GRID1: variants seen among roughly 807,000 people sequenced by gnomAD.
GRID1 encodes glutamate ionotropic receptor delta type subunit 1, also known as glutamate receptor ionotropic, delta-1.
GRID1 carries 28 observed loss-of-function variants against 98.0 expected under a neutral mutation model. The ratio of observed to expected loss-of-function variants is 0.29; its 90% CI spans 0.21 to 0.39. The LOEUF (loss-of-function observed/expected upper bound fraction) is 0.39, where lower values mean the gene tolerates loss of function less well. Ranked by LOEUF, GRID1 falls within the 10% of genes least tolerant of loss-of-function variation. The pLI is 1.00. For synonymous variants in GRID1, 553 were observed against 538.5 expected (o/e 1.03, Z -0.37); for missense variants, 1,111 against 1,340.5 (o/e 0.83, Z 2.67).
intron 4 of GRID1, among the ~76,000 whole-genome samples, chr10:85,972,698 G>A (rs1842424231): frequency 6.6e-6 from 1 of 151,826 alleles, no homozygotes; most frequent in Non-Finnish European, 1.5e-5. Flanking sequence ...CAGTATGGAA[G>A]ATAGCACTAC....
At chr10:86,284,160 GCT>G (rs1391668475) in intron 2 of GRID1, among the ~76,000 whole-genome samples, 1 of 148,656 alleles carries the variant, frequency 6.7e-6, no homozygotes, top group Admixed American at 6.7e-5. Context: ...ACACACATCT[GCT>G]CTCACACACA....
At chr10:86,120,108 T>A (rs1264132612) in intron 4 of GRID1, among the ~76,000 whole-genome samples, 1 of 152,176 alleles carries the variant, frequency 6.6e-6, no homozygotes, top group African/African-American at 2.4e-5. Flanking sequence ...CAGCTCCCAC[T>A]GTTTTAAGGA....
chr10:86,285,274 C>T (rs58305295), intron 2 of GRID1, among the ~76,000 whole-genome samples: 10,810 of 152,214 alleles, frequency 0.071, 1,067 homozygotes, highest in African/African-American at 0.23. Context: ...CACCCTCTCC[C>T]GCCTCTGTCT....
chr10:86,146,430 C>G (rs1845090295), intron 3 of GRID1, among the ~76,000 whole-genome samples: 1 of 152,208 alleles, frequency 6.6e-6, no homozygotes, highest in Non-Finnish European at 1.5e-5. Context: ...CCTCCCACCA[C>G]CAGCTCCTAA....
At chr10:85,798,565 G>A (rs1230926386) in intron 8 of GRID1, among the ~76,000 whole-genome samples, 1 of 152,090 alleles carries the variant, frequency 6.6e-6, no homozygotes, top group African/African-American at 2.4e-5. Context: ...ATTCTAACTG[G>A]AGTGAGGTGA....
At chr10:85,974,795 T>C (rs546067815) in intron 4 of GRID1, among the ~76,000 whole-genome samples, 9 of 152,278 alleles carry the variant, frequency 5.9e-5, no homozygotes, top group East Asian at 5.8e-4. Flanking sequence ...CCTGGCTAAT[T>C]TTTTATTTTT....
intron 13 of GRID1, chr10:85,645,836 T>C (rs1590172773): frequency 6.6e-6 from 1 of 152,242 alleles, no homozygotes; most frequent in African/African-American, 2.4e-5. Flanking sequence ...TCACTCTACA[T>C]GGCACCACAG....
At chr10:86,064,308 A>T (rs1843689904) in intron 4 of GRID1, among the ~76,000 whole-genome samples, 1 of 152,160 alleles carries the variant, frequency 6.6e-6, no homozygotes, top group African/African-American at 2.4e-5. Context: ...TGATCCAAAG[A>T]CCCTCTCAGG....
chr10:85,616,721 G>A (rs1842793729), intron 14 of GRID1, among the ~76,000 whole-genome samples: 2 of 152,222 alleles, frequency 1.3e-5, no homozygotes, highest in South Asian at 4.1e-4. Flanking sequence ...CTTTGAAAAT[G>A]AGGCTAAACT....
intron 2 of GRID1, among the ~76,000 whole-genome samples, chr10:86,226,953 C>T (rs1218187155): frequency 6.6e-6 from 1 of 152,160 alleles, no homozygotes; most frequent in African/African-American, 2.4e-5. Context: ...GCTGCATGCC[C>T]TGCTGGCACA....
intron 8 of GRID1, among the ~76,000 whole-genome samples, chr10:85,747,707 G>A (rs1046030109): frequency 6.6e-6 from 1 of 152,170 alleles, no homozygotes; most frequent in African/African-American, 2.4e-5. Context: ...ACCTGGGAGT[G>A]ATATTAGGCA....
chr10:85,817,293 CAAAGT>C (rs2131747965), intron 8 of GRID1, among the ~76,000 whole-genome samples: 3 of 151,576 alleles, frequency 2.0e-5, no homozygotes, highest in Middle Eastern at 3.5e-3. Context: ...TTTGGGAGGC[CAAAGT>C]GAGAGAACTG....
chr10:85,761,545 G>A (rs900881457), intron 8 of GRID1, among the ~76,000 whole-genome samples: 2 of 152,288 alleles, frequency 1.3e-5, no homozygotes, highest in African/African-American at 2.4e-5. Context: ...CAATTACACC[G>A]TTGTGCTGTG....
chr10:85,941,998 T>C (rs1446188925), intron 4 of GRID1, among the ~76,000 whole-genome samples: 1 of 152,218 alleles, frequency 6.6e-6, no homozygotes, highest in African/African-American at 2.4e-5. Flanking sequence ...GGAGGGGTCA[T>C]CTTTCCATGC....
At chr10:85,818,621 A>G (rs932680217) in intron 8 of GRID1, among the ~76,000 whole-genome samples, 1 of 152,222 alleles carries the variant, frequency 6.6e-6, no homozygotes, top group African/African-American at 2.4e-5. Flanking sequence ...GCATGAGAAA[A>G]TAAAGAAGTC....
intron 4 of GRID1, among the ~76,000 whole-genome samples, chr10:85,959,941 G>T (rs1372093099): frequency 6.6e-6 from 1 of 152,018 alleles, no homozygotes; most frequent in East Asian, 1.9e-4. Flanking sequence ...GAGTGCAGTG[G>T]CACAATCTCG....
chr10:86,099,571 C>A (rs1332474819), intron 4 of GRID1, among the ~76,000 whole-genome samples: 1 of 152,160 alleles, frequency 6.6e-6, no homozygotes, highest in Non-Finnish European at 1.5e-5. Flanking sequence ...GGAGCACAGT[C>A]TGGCTCCTCC....
At chr10:85,998,175 CACA>C (rs1842762991) in intron 4 of GRID1, among the ~76,000 whole-genome samples, 1 of 152,064 alleles carries the variant, frequency 6.6e-6, no homozygotes, top group African/African-American at 2.4e-5. Context: ...GAATACTTCA[CACA>C]ACAACAGCAG....
intron 3 of GRID1, among the ~76,000 whole-genome samples, chr10:86,200,385 G>C (rs761244730): frequency 6.6e-6 from 1 of 152,176 alleles, no homozygotes; most frequent in Non-Finnish European, 1.5e-5. Context: ...TGGCCCAAAG[G>C]CATGGCAAAG....
Sources: gnomAD v4.1 joint callset for allele counts (sites outside exome capture counted in the v4.1 genomes callset) on GRCh38, gnomAD v4.1.1 for gene constraint, MANE v1.5 for transcripts, NCBI Gene and HGNC (gene_info 2026-07-23, HGNC 2026-07-21) for gene names.